Variants in SRRM2 observed in about 807,000 individuals in gnomAD.
The protein encoded by SRRM2 is serine/arginine repetitive matrix protein 2.
Under a neutral mutation model 213.8 loss-of-function variants are expected in SRRM2, and 30 were observed. That is an observed-to-expected ratio of 0.14 (90% CI 0.10 to 0.19). SRRM2 has a LOEUF of 0.19. Among genes scored for constraint, SRRM2 ranks in the 10% least tolerant of loss-of-function variants. The pLI is 1.00. For missense variants in SRRM2, 4,904 were observed against 3,647.0 expected, an observed-to-expected ratio of 1.34 and a Z score of -8.88; for synonymous variants, 2,025 against 1,377.7, an observed-to-expected ratio of 1.47 and a Z score of -10.40.
At chr16:2,769,914 TTCC>T (rs1376487664) in intron 12 of SRRM2, 1 of 445,260 alleles carries the variant, frequency 2.2e-6, no homozygotes, top group Non-Finnish European at 4.5e-6. Flanking sequence ...GGACATGCTG[TTCC>T]TTCTGCCTGG....
Position 2,765,208 on chromosome 16 carries a change from C to T in SRRM2, c.4680C>T (p.Asp1560=), listed in dbSNP as rs1369426958. ...CCCCTCAGGAAAGAAGTGAGTCAGA[C>T]TCTTCTCCAGATTCTAAAGCCAAGA... ...SASPQERSES[D]SSPDSKAKTR... is the part of the protein sequence containing the mutation. The change falls in exon 11 of 15, where the codon GAC becomes GAT. Residue 1560 remains aspartate, a synonymous_variant. Transcript: ENST00000301740. The T allele has an allele frequency of 2.5e-6, 4 of 1,614,074 alleles. No homozygotes were observed. Among genetic ancestry groups the T allele is most frequent in the Non-Finnish European group, 1.7e-6 (2 of 1,180,024 alleles).
Position 2,768,110 on chromosome 16 carries a change from A to G in SRRM2, c.7582A>G (p.Lys2528Glu), listed in dbSNP as rs777291467. The change falls in exon 11 of 15, where the codon AAG becomes GAG. Residue 2528 changes from lysine (K) to glutamate (E), a missense_variant. Coordinates refer to ENST00000301740, the MANE Select transcript of SRRM2 (RefSeq NM_016333.4). ...TGCATTAGCCGCCCTGCAGCCAGCAAAGGAGCGGCGGAGTTCCTCCTCGTC... is the reference window on the plus strand; with the variant it reads ...TGCATTAGCCGCCCTGCAGCCAGCAGAGGAGCGGCGGAGTTCCTCCTCGTC... ...PSALAALQPA[K>E]ERRSSSSSSS... 21 of 1,614,116 alleles carry G rather than the reference A, an allele frequency of 1.3e-5. No homozygotes were observed. The highest frequency in any genetic ancestry group is 1.8e-5 in the Non-Finnish European group (21 of 1,180,018).
At position 2,764,718 on chromosome 16, in the gene SRRM2, C is replaced by T. The variant is rs147997881; in HGVS notation, c.4190C>T (p.Ser1397Phe). Residue 1397 changes from serine to phenylalanine, a missense_variant, in exon 11 of 15, where the codon TCT becomes TTT. Physicochemically the swap from Ser to Phe is radical, Grantham distance 155 (BLOSUM62 -2). Transcript: ENST00000301740. Reference protein sequence around the residue: ...SPDAVEKAGMSSNQSISSPVL... With the variant: ...SPDAVEKAGMFSNQSISSPVL... ...GATGCAGTGGAAAAGGCAGGGATGTCTTCAAATCAGAGCATCTCTTCACCT... is the reference window on the plus strand; with the variant it reads ...GATGCAGTGGAAAAGGCAGGGATGTTTTCAAATCAGAGCATCTCTTCACCT... The T allele has an allele frequency of 1.0e-4, 166 of 1,614,010 alleles. No homozygotes were observed. The highest frequency in any genetic ancestry group is 1.2e-4 in the Non-Finnish European group (146 of 1,180,038).
chr16:2,770,566 G>C, intron 13 of SRRM2, 38 bp from the exon 14 acceptor site: 1 of 1,550,964 alleles, frequency 6.4e-7, no homozygotes, highest in Non-Finnish European at 8.7e-7. Flanking sequence ...GCCTGAGGTG[G>C]TGCCACCCTG....
At position 2,764,704 on chromosome 16, in the gene SRRM2, A is replaced by G. The variant is rs767729209; in HGVS notation, c.4176A>G (p.Glu1392=). 6.2e-7 allele frequency: 1 copy of G among 1,614,122 alleles called. No individual in the cohort carries two copies. Among genetic ancestry groups the G allele is most frequent in the Non-Finnish European group, 8.5e-7 (1 of 1,180,036 alleles). ...CTGAGTTATCCCCAGATGCAGTGGA[A>G]AAGGCAGGGATGTCTTCAAATCAGA... The part of the protein sequence containing the change: ...SSSELSPDAV[E]KAGMSSNQSI... Residue 1392 remains glutamate, a synonymous_variant, in exon 11 of 15, where the codon GAA becomes GAG. Transcript: ENST00000301740.
chr16:2,757,256 G>A (rs930964480), intron 2 of SRRM2, among the ~76,000 whole-genome samples: 3 of 152,118 alleles, frequency 2.0e-5, no homozygotes, highest in Non-Finnish European at 4.4e-5. Flanking sequence ...GGTCCCTGAG[G>A]TGTAGCATAT....
Position 2,767,212 on chromosome 16 carries a change from T to C in SRRM2, c.6684T>C (p.Leu2228=). Residue 2228 remains leucine, a synonymous_variant, in exon 11 of 15, where the codon CTT becomes CTC. Coordinates refer to ENST00000301740, the MANE Select transcript of SRRM2 (RefSeq NM_016333.4). ...TCAGAACCGCACCAGCAGCCAACCTTGCCAGCAGGATTCCTGCAGCCTCTG... is the reference window on the plus strand; with the variant it reads ...TCAGAACCGCACCAGCAGCCAACCTCGCCAGCAGGATTCCTGCAGCCTCTG... ...MSLRTAPAAN[L]ASRIPAASAA... The C allele has an allele frequency of 6.2e-7, 1 of 1,614,176 alleles. No individual in the cohort carries two copies. The highest frequency in any genetic ancestry group is 8.5e-7 in the Non-Finnish European group (1 of 1,180,030).
intron 13 of SRRM2, 27 bp from the exon 14 acceptor site, chr16:2,770,577 T>G (rs1247997229): frequency 6.4e-7 from 1 of 1,552,180 alleles, no homozygotes; most frequent in Non-Finnish European, 8.7e-7. Flanking sequence ...TGCCACCCTG[T>G]GGCCTGATGT....
At chr16:2,753,448 G>A (rs1314461079) in intron 1 of SRRM2, 1 of 152,268 alleles carries the variant, frequency 6.6e-6, no homozygotes, top group East Asian at 1.9e-4. Context: ...CAGCCTTTGA[G>A]TTGTTAGTGG....
chr16:2,756,717 T>C, intron 2 of SRRM2, 111 bp downstream of exon 2: 1 of 1,438,864 alleles, frequency 6.9e-7, no homozygotes, highest in Non-Finnish European at 9.3e-7. Flanking sequence ...CAAAGAGTTG[T>C]GGTAGGGGAG....
intron 5 of SRRM2, chr16:2,758,759 A>G: frequency 1.5e-6 from 1 of 672,882 alleles, no homozygotes; most frequent in East Asian, 2.7e-5. Flanking sequence ...ATTGGCCAGC[A>G]GCATTTTGGA....
chr16:2,765,537 G>A lies in SRRM2; in HGVS notation c.5009G>A (p.Arg1670Lys). ...EHPPKSRTARRGSRSSPEPKT... is the reference protein window; with the variant it reads ...EHPPKSRTARKGSRSSPEPKT... ...CCGCCCAAATCCAGAACTGCTCGCAGAGGTTCCAGGTCATCACCAGAGCCC... is the reference window on the plus strand; with the variant it reads ...CCGCCCAAATCCAGAACTGCTCGCAAAGGTTCCAGGTCATCACCAGAGCCC... The change falls in exon 11 of 15, where the codon AGA becomes AAA. Residue 1670 changes from arginine (R) to lysine (K), a missense_variant. Physicochemically the swap from Arg to Lys is conservative, Grantham distance 26. Coordinates refer to ENST00000301740, the MANE Select transcript of SRRM2 (RefSeq NM_016333.4). 2 of 1,614,180 alleles carry A rather than the reference G, an allele frequency of 1.2e-6. No individual in the cohort carries two copies. The highest frequency in any genetic ancestry group is 1.1e-5 in the South Asian group (1 of 91,076).
In SRRM2 at chr16:2,764,572, T is replaced by C. The variant is rs1383536882; in HGVS notation, c.4044T>C (p.Ser1348=). 1 of 1,614,254 alleles carries C rather than the reference T, an allele frequency of 6.2e-7. No homozygotes were observed. Among genetic ancestry groups the C allele is most frequent in the Non-Finnish European group, 8.5e-7 (1 of 1,180,046 alleles). ...PLGTEMNTGF[S]SEVKEDLNGP... ...GTACAGAAATGAATACTGGATTTTCTTCTGAGGTTAAAGAAGATTTGAATG... is the reference window on the plus strand; with the variant it reads ...GTACAGAAATGAATACTGGATTTTCCTCTGAGGTTAAAGAAGATTTGAATG... Residue 1348 remains serine, a synonymous_variant, in exon 11 of 15, where the codon TCT becomes TCC. Transcript: ENST00000301740.
At position 2,766,481 on chromosome 16, in the gene SRRM2, A is replaced by G. The variant is rs2068547622; in HGVS notation, c.5953A>G (p.Arg1985Gly). Residue 1985 changes from arginine (R) to glycine (G), a missense_variant, in exon 11 of 15, where the codon AGA (arginine) becomes GGA (glycine). Arg to Gly is a moderately radical substitution (Grantham distance 125). Transcript: ENST00000301740. This position sits in a 1 kb window ranked among gnomAD's most constrained non-coding sequence, Gnocchi z 7.0. ...TATCACTCGCAGAAGATCAAGATCC[A>G]GAACATCTCCGGTCACCCGAAGGAG... ...SPITRRRSRS[R>G]TSPVTRRRSR... 6.2e-7 allele frequency: 1 copy of G among 1,613,988 alleles called. No individual in the cohort carries two copies. The highest frequency in any genetic ancestry group is 1.1e-5 in the South Asian group (1 of 91,084).
At position 2,764,898 on chromosome 16, in the gene SRRM2, A is replaced by G; in HGVS notation, c.4370A>G (p.His1457Arg). Residue 1457 changes from histidine to arginine, a missense_variant, in exon 11 of 15, where the codon CAC (histidine) becomes CGC (arginine). His to Arg is a conservative substitution (Grantham distance 29). Coordinates refer to ENST00000301740, the MANE Select transcript of SRRM2 (RefSeq NM_016333.4). ...GATGGGTCTGGGACTCCCTCGAGGC[A>G]CAGCCTGTCTGGGTCCTCTCCTGGA... ...LRDGSGTPSRHSLSGSSPGMK... is the reference protein window; with the variant it reads ...LRDGSGTPSRRSLSGSSPGMK... 3 of 1,614,202 alleles carry G rather than the reference A, an allele frequency of 1.9e-6. No homozygotes were observed. Among genetic ancestry groups the G allele is most frequent in the Non-Finnish European group, 2.5e-6 (3 of 1,180,038 alleles).
intron 6 of SRRM2, 26 bp downstream of exon 6, chr16:2,759,073 C>T (rs775418988): frequency 1.2e-6 from 2 of 1,614,198 alleles, no homozygotes; most frequent in East Asian, 4.5e-5. Context: ...ACTTGAATGA[C>T]TGGAGAAGGT....
rs1363172964 is a variant in SRRM2, at chr16:2,759,595, A to G, written c.767A>G (p.Lys256Arg). ...KRSRSTTPAP[K>R]SRRAHRSTSA... The stretch of plus-strand genomic sequence containing the variant: ...TCTCGAAGTACAACACCAGCCCCCA[A>G]GAGCCGCCGGGCCCACCGTTCAACT... Residue 256 changes from lysine to arginine, a missense_variant, in exon 9 of 15, where the codon AAG becomes AGG. By Grantham distance (26) the Lys-to-Arg change is conservative (BLOSUM62 2). Coordinates refer to ENST00000301740, the MANE Select transcript of SRRM2 (RefSeq NM_016333.4). The G allele has an allele frequency of 3.1e-6, 5 of 1,614,070 alleles. No homozygotes were observed. Among genetic ancestry groups the G allele is most frequent in the African/African-American group, 1.3e-5 (1 of 74,922 alleles).
At chr16:2,753,875 A>G (rs1264141149) in intron 1 of SRRM2, among the ~76,000 whole-genome samples, 2 of 151,660 alleles carry the variant, frequency 1.3e-5, no homozygotes, top group African/African-American at 2.4e-5. Flanking sequence ...GCTGATGTCC[A>G]TTTTTTTCGA....
chr16:2,763,027 A>G lies in SRRM2; in HGVS notation c.2499A>G (p.Gln833=), dbSNP rs2068415885. Residue 833 remains glutamine (Q), a synonymous_variant, in exon 11 of 15, where the codon CAA becomes CAG. Transcript: ENST00000301740. ...AGAAATCTAAGACACCATCAAGACA[A>G]AGTCATTCCAGTTCATCTCCTCATC... ...PKQKSKTPSR[Q]SHSSSSPHPK... is the part of the protein sequence containing the mutation. 1.2e-6 allele frequency: 2 copies of G among 1,614,076 alleles called. No homozygotes were observed. Among genetic ancestry groups the G allele is most frequent in the Non-Finnish European group, 1.7e-6 (2 of 1,179,974 alleles).
Sources: gnomAD v4.1 joint callset for allele counts (sites outside exome capture counted in the v4.1 genomes callset) on GRCh38, gnomAD v4.1.1 for gene constraint, Gnocchi (gnomAD v3.1) non-coding constraint, MANE v1.5 for transcripts, NCBI Gene and HGNC (gene_info 2026-07-23, HGNC 2026-07-21) for gene names.